PARD3B: variants seen among roughly 807,000 people sequenced by gnomAD.
PARD3B encodes par-3 family cell polarity regulator beta, also known as partitioning defective 3 homolog B.
PARD3B carries 103 observed loss-of-function variants against 130.2 expected under a neutral mutation model. The ratio of observed to expected loss-of-function variants is 0.79; its 90% CI spans 0.67 to 0.93. PARD3B has a LOEUF of 0.93. Ranked by LOEUF, PARD3B falls within the 40% of genes least tolerant of loss-of-function variation. PARD3B has a pLI of 0.00. For missense variants in PARD3B, 1,609 were observed against 1,499.2 expected (o/e 1.07, Z -1.21); for synonymous variants, 583 against 553.2 (o/e 1.05, Z -0.76).
chr2:204,998,894 A>G (rs1168612348), intron 3 of PARD3B, among the ~76,000 whole-genome samples: 3 of 152,040 alleles, frequency 2.0e-5, no homozygotes, highest in African/African-American at 7.2e-5. Context: ...TTGTATTTTC[A>G]GTAGAGACAA....
At chr2:205,346,103 C>T (rs931983982) in intron 18 of PARD3B, among the ~76,000 whole-genome samples, 20 of 146,624 alleles carry the variant, frequency 1.4e-4, no homozygotes, top group African/African-American at 4.9e-4. Flanking sequence ...ACTCGGGAGG[C>T]GAAGGTTGCA....
intron 21 of PARD3B, among the ~76,000 whole-genome samples, chr2:205,508,252 A>G (rs957498735): frequency 7.2e-5 from 11 of 152,132 alleles, no homozygotes; most frequent in Non-Finnish European, 1.5e-5. Flanking sequence ...AGAAGGTGAG[A>G]TGGGGTAAAG....
chr2:205,169,502 C>T (rs1032725640), intron 11 of PARD3B, among the ~76,000 whole-genome samples: 2 of 152,208 alleles, frequency 1.3e-5, no homozygotes, highest in African/African-American at 4.8e-5. Context: ...TTATCTACCT[C>T]TTCACTCTGA....
At chr2:204,828,552 T>A (rs892446641) in intron 2 of PARD3B, among the ~76,000 whole-genome samples, 1 of 152,228 alleles carries the variant, frequency 6.6e-6, no homozygotes, top group African/African-American at 2.4e-5. Context: ...CTCTGCTGAT[T>A]AGTGTCATAC....
At chr2:204,891,123 C>T (rs181419262) in intron 2 of PARD3B, among the ~76,000 whole-genome samples, 96 of 151,952 alleles carry the variant, frequency 6.3e-4, no homozygotes, top group African/African-American at 2.0e-3. Context: ...ACCCAGGACC[C>T]GATATGGAAT....
At chr2:204,674,005 T>G (rs1455080536) in intron 1 of PARD3B, among the ~76,000 whole-genome samples, 1 of 152,146 alleles carries the variant, frequency 6.6e-6, no homozygotes, top group Non-Finnish European at 1.5e-5. Flanking sequence ...ATAAAATGGC[T>G]TTCTCTGTTA....
chr2:205,294,432 A>C (rs2041716723), intron 16 of PARD3B, among the ~76,000 whole-genome samples: 1 of 152,196 alleles, frequency 6.6e-6, no homozygotes, highest in Admixed American at 6.5e-5. Context: ...TCAGGAAAGA[A>C]ACCTAAACAA....
intron 15 of PARD3B, among the ~76,000 whole-genome samples, chr2:205,231,896 G>T (rs775216579): frequency 6.6e-6 from 1 of 152,146 alleles, no homozygotes; most frequent in African/African-American, 2.4e-5. Flanking sequence ...AACTACCAAG[G>T]CTAGGCCAAA....
intron 15 of PARD3B, among the ~76,000 whole-genome samples, chr2:205,193,782 A>C (rs2125807496): frequency 6.6e-6 from 1 of 152,284 alleles, no homozygotes; most frequent in East Asian, 1.9e-4. Flanking sequence ...ATGGATAGAG[A>C]TGGCATCAGT....
chr2:204,786,743 C>T (rs768359970), intron 2 of PARD3B, among the ~76,000 whole-genome samples: 11 of 151,128 alleles, frequency 7.3e-5, no homozygotes, highest in Non-Finnish European at 1.2e-4. Context: ...GTATCTAAAA[C>T]AAGAGTCATT....
intron 1 of PARD3B, among the ~76,000 whole-genome samples, chr2:204,602,966 C>G (rs1266628264): frequency 6.6e-6 from 1 of 152,018 alleles, no homozygotes; most frequent in African/African-American, 2.4e-5. Flanking sequence ...TTGAATCAAG[C>G]TGTAGAATCA....
chr2:205,560,251 A>C (rs550714414), intron 22 of PARD3B, among the ~76,000 whole-genome samples: 1 of 152,350 alleles, frequency 6.6e-6, no homozygotes, highest in African/African-American at 2.4e-5. Flanking sequence ...ACTAAAATAT[A>C]AGTGCCTTTA....
intron 18 of PARD3B, among the ~76,000 whole-genome samples, chr2:205,327,701 T>A (rs1238156493): frequency 6.6e-6 from 1 of 152,182 alleles, no homozygotes; most frequent in Non-Finnish European, 1.5e-5. Flanking sequence ...CATTTTCCTT[T>A]TCAAACAAAG....
chr2:204,929,104 T>G (rs897103845), intron 2 of PARD3B, among the ~76,000 whole-genome samples: 1 of 152,140 alleles, frequency 6.6e-6, no homozygotes, highest in African/African-American at 2.4e-5. Context: ...AATACTTTTT[T>G]TTTTTCCATT....
rs896623776 is a variant in PARD3B, at chr2:205,300,470, T to C, written c.2186-60T>C. The C allele has an allele frequency of 4.9e-6, 7 of 1,428,198 alleles. No individual in the cohort carries two copies. Among genetic ancestry groups the C allele is most frequent in the East Asian group, 4.6e-5 (2 of 43,580 alleles). 88.5% of individuals were successfully genotyped at this position (1,428,198 alleles called of 1,614,324 possible). A position where few individuals can be genotyped will look rare whatever the true frequency, so the allele number is the denominator to read the frequency against. ...CCAGACAGAAATATTCTTAGAACAA[T>C]AGCATTACACCACACTGCCCCATTA... is the stretch of plus-strand genomic sequence containing the variant. On this transcript the variant is annotated intron_variant, in intron 16 of 22. Transcript: ENST00000406610. The surrounding 1 kb of genome is among the most constrained non-coding windows in gnomAD (Gnocchi z 4.1).
intron 22 of PARD3B, among the ~76,000 whole-genome samples, chr2:205,583,736 T>C (rs1211950156): frequency 6.6e-6 from 1 of 152,220 alleles, no homozygotes; most frequent in Non-Finnish European, 1.5e-5. Context: ...TTTGGACGAA[T>C]TGGAACAACC....
chr2:204,681,524 G>A (rs749413799), intron 1 of PARD3B, among the ~76,000 whole-genome samples: 6 of 152,164 alleles, frequency 3.9e-5, no homozygotes, highest in Middle Eastern at 3.2e-3. Context: ...AGGTGAAGGC[G>A]TGTTCTGAAG....
At chr2:205,107,311 A>C (rs1043974179) in intron 5 of PARD3B, among the ~76,000 whole-genome samples, 4 of 152,176 alleles carry the variant, frequency 2.6e-5, no homozygotes, top group African/African-American at 9.7e-5. Context: ...GATTTAGATA[A>C]GTCTTGGGTT....
chr2:205,560,217 T>C (rs2053080635), intron 22 of PARD3B, among the ~76,000 whole-genome samples: 1 of 152,192 alleles, frequency 6.6e-6, no homozygotes, highest in Non-Finnish European at 1.5e-5. Context: ...TATTCTGTTA[T>C]TTGCTCACCT....
Sources: allele counts gnomAD v4.1 joint callset (sites outside exome capture counted in the v4.1 genomes callset), GRCh38; gene constraint gnomAD v4.1.1; non-coding constraint Gnocchi (gnomAD v3.1); transcripts MANE v1.5; gene names NCBI Gene and HGNC (gene_info 2026-07-23, HGNC 2026-07-21).